Variants in EBF1 observed in about 807,000 individuals in gnomAD.
EBF1 encodes EBF transcription factor 1.
In EBF1, 10 loss-of-function variants were observed where a neutral mutation model predicts 68.4. That is an observed-to-expected ratio of 0.15 (90% confidence interval 0.09 to 0.25). The LOEUF is 0.25. EBF1 is among the 10% of genes least tolerant of loss of function. EBF1 has a pLI of 1.00. For missense variants in EBF1, 509 were observed against 794.4 expected (o/e 0.64, Z 4.32); for synonymous variants, 298 against 299.8 (o/e 0.99, Z 0.06).
chr5:158,871,918 C>A (rs975398812), intron 6 of EBF1, among the ~76,000 whole-genome samples: 1 of 152,212 alleles, frequency 6.6e-6, no homozygotes, highest in Non-Finnish European at 1.5e-5. Flanking sequence ...TTGGAACAGT[C>A]AGGTCCAATG....
intron 6 of EBF1, among the ~76,000 whole-genome samples, chr5:159,035,503 A>T (rs1392494230): frequency 6.6e-6 from 1 of 152,170 alleles, no homozygotes; most frequent in African/African-American, 2.4e-5. Flanking sequence ...TATTTGAAGG[A>T]GGCAGTACAG....
At chr5:158,822,495 G>A (rs1253568457) in intron 8 of EBF1, among the ~76,000 whole-genome samples, 1 of 152,196 alleles carries the variant, frequency 6.6e-6, no homozygotes, top group African/African-American at 2.4e-5. Flanking sequence ...GTTTCCTTCA[G>A]TCCTCTCAAA....
At chr5:158,836,355 G>A (rs1190381905) in intron 7 of EBF1, among the ~76,000 whole-genome samples, 2 of 151,918 alleles carry the variant, frequency 1.3e-5, no homozygotes, top group Non-Finnish European at 2.9e-5. Context: ...AAGGAGACCT[G>A]GAAAAAAACA....
intron 7 of EBF1, among the ~76,000 whole-genome samples, chr5:158,827,229 G>A (rs1440306879): frequency 2.6e-5 from 4 of 152,160 alleles, no homozygotes; most frequent in Admixed American, 6.5e-5. Context: ...CTTAATGACC[G>A]TAAAGAAGAC....
At chr5:158,820,153 T>A (rs1357371251) in intron 8 of EBF1, among the ~76,000 whole-genome samples, 1 of 151,892 alleles carries the variant, frequency 6.6e-6, no homozygotes, top group Admixed American at 6.6e-5. Context: ...TAATTCAGGC[T>A]ACCTGTAAAT....
intron 6 of EBF1, among the ~76,000 whole-genome samples, chr5:158,944,839 A>G (rs1203666222): frequency 7.2e-5 from 11 of 152,146 alleles, no homozygotes; most frequent in Admixed American, 6.5e-4. Context: ...GCTTTTATTC[A>G]TATGTTTGTT....
At chr5:158,947,891 G>A (rs555725714) in intron 6 of EBF1, among the ~76,000 whole-genome samples, 2 of 152,264 alleles carry the variant, frequency 1.3e-5, no homozygotes, top group East Asian at 1.9e-4. Flanking sequence ...TCCCTAAATC[G>A]CTGAAGCATC....
chr5:158,845,031 C>T (rs796603200), intron 6 of EBF1, among the ~76,000 whole-genome samples: 1 of 152,316 alleles, frequency 6.6e-6, no homozygotes, highest in African/African-American at 2.4e-5. Flanking sequence ...AATTAGTCAG[C>T]AGGATCTGAC....
At chr5:158,923,118 C>T (rs75677493) in intron 6 of EBF1, among the ~76,000 whole-genome samples, 1 of 152,190 alleles carries the variant, frequency 6.6e-6, no homozygotes, top group Admixed American at 6.5e-5. Flanking sequence ...GAGCGTTAGC[C>T]TCTTCATCAA....
chr5:158,921,648 T>C (rs1418811974), intron 6 of EBF1, among the ~76,000 whole-genome samples: 4 of 152,238 alleles, frequency 2.6e-5, no homozygotes, highest in Admixed American at 1.3e-4. Context: ...GTCCATGTGA[T>C]GAATACTGAA....
intron 6 of EBF1, among the ~76,000 whole-genome samples, chr5:159,041,506 T>C (rs924980175): frequency 6.6e-6 from 1 of 152,256 alleles, no homozygotes; most frequent in Admixed American, 6.5e-5. Context: ...TGACATTTAC[T>C]TTGATTTTCT....
intron 10 of EBF1, among the ~76,000 whole-genome samples, chr5:158,760,459 T>C (rs531562498): frequency 1.3e-5 from 2 of 152,290 alleles, no homozygotes; most frequent in Non-Finnish European, 1.5e-5. Flanking sequence ...TTAGCTACTA[T>C]AAGGCAATGA....
chr5:158,812,040 C>T (rs1006475605), intron 8 of EBF1, among the ~76,000 whole-genome samples: 4 of 152,110 alleles, frequency 2.6e-5, no homozygotes, highest in South Asian at 2.1e-4. Flanking sequence ...TAAATCATTC[C>T]GTGTGCCATT....
intron 6 of EBF1, among the ~76,000 whole-genome samples, chr5:158,948,149 G>T (rs984615401): frequency 9.2e-5 from 14 of 152,078 alleles, no homozygotes; most frequent in Admixed American, 7.2e-4. Context: ...GGTACGGGTG[G>T]GTGTGTCAAA....
intron 6 of EBF1, among the ~76,000 whole-genome samples, chr5:158,990,054 G>A (rs752244882): frequency 1.2e-4 from 19 of 152,164 alleles, no homozygotes; most frequent in South Asian, 2.1e-4. Context: ...ATTAAGAGAC[G>A]GATCAGGAAG....
intron 9 of EBF1, among the ~76,000 whole-genome samples, chr5:158,781,034 C>T (rs147476306): frequency 2.0e-5 from 3 of 152,190 alleles, no homozygotes; most frequent in African/African-American, 7.2e-5. Context: ...ACTACTCTTT[C>T]CCTTCCTTGG....
intron 6 of EBF1, among the ~76,000 whole-genome samples, chr5:159,049,446 T>C (rs1406063258): frequency 6.6e-6 from 1 of 152,180 alleles, no homozygotes; most frequent in African/African-American, 2.4e-5. Context: ...CCACTCAAAA[T>C]GTTTGAGTCT....
intron 8 of EBF1, among the ~76,000 whole-genome samples, chr5:158,821,011 C>T (rs752397757): frequency 6.6e-6 from 1 of 152,140 alleles, no homozygotes; most frequent in Non-Finnish European, 1.5e-5. Context: ...AACATCTGGC[C>T]CCACTTGGGC....
intron 6 of EBF1, among the ~76,000 whole-genome samples, chr5:159,045,275 G>A (rs1772112960): frequency 6.6e-6 from 1 of 151,714 alleles, no homozygotes; most frequent in Admixed American, 6.6e-5. Flanking sequence ...TTATCTGGAG[G>A]CCTCTCTTAG....
Sources: gnomAD v4.1 joint callset for allele counts (sites outside exome capture counted in the v4.1 genomes callset) on GRCh38, gnomAD v4.1.1 for gene constraint, MANE v1.5 for transcripts, NCBI Gene and HGNC (gene_info 2026-07-23, HGNC 2026-07-21) for gene names.